Variants in CRMP1 observed in about 807,000 individuals in gnomAD.
CRMP1 encodes the protein dihydropyrimidinase-related protein 1.
A neutral mutation model predicts 68.3 loss-of-function variants in CRMP1; 19 were observed. The observed-to-expected ratio is 0.28, with a 90% CI of 0.19 to 0.41. CRMP1 has a LOEUF of 0.41. Ranked by LOEUF, CRMP1 falls within the 10% of genes least tolerant of loss-of-function variation. CRMP1 has a pLI of 1.00. For missense variants in CRMP1, 791 were observed against 967.4 expected (o/e 0.82, Z 2.42); for synonymous variants, 439 against 399.6 (o/e 1.10, Z -1.18).
At position 5,842,015 on chromosome 4, in the gene CRMP1, T is replaced by C. The variant is rs1404632548; in HGVS notation, c.1033-587A>G. Among the ~76,000 whole-genome samples, 1 of 152,200 alleles carries C rather than the reference T, an allele frequency of 6.6e-6. No homozygotes were observed. Among genetic ancestry groups the C allele is most frequent in the Non-Finnish European group, 1.5e-5 (1 of 68,036 alleles). Reference sequence around the variant, plus strand: ...GGCCACCATGGTGAAACCCAGTCTCTATTCACGAGGTCAGGAGATCGAGAC... The same window carrying C: ...GGCCACCATGGTGAAACCCAGTCTCCATTCACGAGGTCAGGAGATCGAGAC... On this transcript the variant is annotated intron_variant, in intron 7 of 13. Coordinates refer to ENST00000324989, the MANE Select transcript of CRMP1 (RefSeq NM_001014809.3). This position sits in a 1 kb window ranked among gnomAD's most constrained non-coding sequence, Gnocchi z 4.5.
At chr4:5,868,504 T>G (rs1714208097) in intron 1 of CRMP1, among the ~76,000 whole-genome samples, 1 of 151,868 alleles carries the variant, frequency 6.6e-6, no homozygotes, top group South Asian at 2.1e-4. Context: ...GGTTTCACCT[T>G]GTTAGCCAGG....
chr4:5,839,405 G>T, intron 9 of CRMP1, 117 bp downstream of exon 9: 1 of 1,295,086 alleles, frequency 7.7e-7, no homozygotes, highest in South Asian at 1.4e-5. Context: ...GCAGAGCACG[G>T]GGCAGAGCCT....
chr4:5,836,186 G>T (rs1333943501), intron 10 of CRMP1, 101 bp from the exon 11 acceptor site: 11 of 1,100,138 alleles, frequency 1.0e-5, no homozygotes, highest in Non-Finnish European at 1.1e-5. Flanking sequence ...GCCTTGCAAG[G>T]CTTGGAATTC....
chr4:5,889,443 G>A lies in CRMP1; in HGVS notation c.381+3146C>T, dbSNP rs905716862. Among the ~76,000 whole-genome samples, 15 of 152,096 alleles carry A rather than the reference G, an allele frequency of 9.9e-5. No homozygotes were observed. The highest frequency in any genetic ancestry group is 1.9e-4 in the African/African-American group (8 of 41,412). On this transcript the variant is annotated intron_variant, in intron 1 of 13. Transcript: ENST00000324989. The surrounding 1 kb of genome is among the most constrained non-coding windows in gnomAD (Gnocchi z 4.5). ...TCCCAGCACTGTGGACACCAGCCCC[G>A]GAGTCCATGATCCAGATGTTGCTCC...
In CRMP1 at chr4:5,858,951, G is replaced by A. The variant is rs145643880; in HGVS notation, c.655+2075C>T. On this transcript the variant is annotated intron_variant, in intron 3 of 13. Transcript: ENST00000324989. The surrounding 1 kb of genome is among the most constrained non-coding windows in gnomAD (Gnocchi z 5.5). Reference sequence around the variant, plus strand: ...CTGCTTTTCTCTGCCCTCTTCTCCCGGTTAATTCCAACTCATCCTTCAGAT... The same window carrying A: ...CTGCTTTTCTCTGCCCTCTTCTCCCAGTTAATTCCAACTCATCCTTCAGAT... Among the ~76,000 whole-genome samples, 9 of 152,220 alleles carry A rather than the reference G, an allele frequency of 5.9e-5. No homozygotes were observed. The highest frequency in any genetic ancestry group is 4.2e-4 in the South Asian group (2 of 4,812).
chr4:5,839,614 G>C lies in CRMP1; in HGVS notation c.1218C>G (p.Ser406Arg). 1 of 1,613,250 alleles carries C rather than the reference G, an allele frequency of 6.2e-7. No homozygotes were observed. Among genetic ancestry groups the C allele is most frequent in the Non-Finnish European group, 8.5e-7 (1 of 1,179,600 alleles). The change falls in exon 9 of 14, where the codon AGC (serine) becomes AGG (arginine). Residue 406 changes from serine (S) to arginine (R), a missense_variant. Transcript: ENST00000324989. ...SLGTDGTHYW[S>R]KNWAKAAAFV... Reference sequence around the variant, plus strand: ...ACGCCGCAGCCTTGGCCCAGTTCTTGCTCCAGTAATGGGTGCCATCGGTCC... The same window carrying C: ...ACGCCGCAGCCTTGGCCCAGTTCTTCCTCCAGTAATGGGTGCCATCGGTCC...
Position 5,862,368 on chromosome 4 carries a change from T to C in CRMP1, c.471-1158A>G, listed in dbSNP as rs530524564. Among the ~76,000 whole-genome samples, 3 of 152,236 alleles carry C rather than the reference T, an allele frequency of 2.0e-5. No homozygotes were observed. In the East Asian group the frequency reaches 5.8e-4, roughly 29 times the overall value. On this transcript the variant is annotated intron_variant, in intron 2 of 13. Coordinates refer to ENST00000324989, the MANE Select transcript of CRMP1 (RefSeq NM_001014809.3). ...TATAACCAATCCCTTACCCCCAGAA[T>C]GTCCACCACCACTACTAATAATAAC...
rs1715948781 is a variant in CRMP1, at chr4:5,891,503, C to T, written c.381+1086G>A. 6.6e-6 allele frequency among the ~76,000 whole-genome samples: 1 copy of T among 152,220 alleles called. No homozygotes were observed. Among genetic ancestry groups the T allele is most frequent in the Non-Finnish European group, 1.5e-5 (1 of 68,034 alleles). Reference sequence around the variant, plus strand: ...ACAAACATTTATTGAATGCTCACTACCGACCGGCATTAACTGATTTAATTC... The same window carrying T: ...ACAAACATTTATTGAATGCTCACTATCGACCGGCATTAACTGATTTAATTC... On this transcript the variant is annotated intron_variant, in intron 1 of 13. Coordinates refer to ENST00000324989, the MANE Select transcript of CRMP1 (RefSeq NM_001014809.3). The surrounding 1 kb of genome is among the most constrained non-coding windows in gnomAD (Gnocchi z 5.2).
At chr4:5,862,220 T>C (rs890310555) in intron 2 of CRMP1, among the ~76,000 whole-genome samples, 2 of 151,990 alleles carry the variant, frequency 1.3e-5, no homozygotes, top group Non-Finnish European at 2.9e-5. Context: ...TAATAACCAA[T>C]CCCTTATCCC....
chr4:5,825,634 C>T lies in CRMP1; in HGVS notation c.1829G>A (p.Arg610Lys), dbSNP rs1719433865. 1 of 1,611,198 alleles carries T rather than the reference C, an allele frequency of 6.2e-7. No homozygotes were observed. The highest frequency in any genetic ancestry group is 1.1e-5 in the South Asian group (1 of 90,504). Reference protein sequence around the residue: ...NKVFGLQGVSRGMYDGPVYEV... With the variant: ...NKVFGLQGVSKGMYDGPVYEV... The stretch of plus-strand genomic sequence containing the variant: ...GTACACAGGACCGTCATACATGCCC[C>T]TGGAAACCCCTTGCAATCCAAAAAC... Residue 610 changes from arginine (R) to lysine (K), a missense_variant, in exon 13 of 14, where the codon AGG becomes AAG. Coordinates refer to ENST00000324989, the MANE Select transcript of CRMP1 (RefSeq NM_001014809.3). This position sits in a 1 kb window ranked among gnomAD's most constrained non-coding sequence, Gnocchi z 4.4.
chr4:5,886,965 G>T (rs1046476530), intron 1 of CRMP1, among the ~76,000 whole-genome samples: 2 of 152,214 alleles, frequency 1.3e-5, no homozygotes, highest in African/African-American at 4.8e-5. Context: ...GACAAGAGCT[G>T]AGGCTGGGCC....
intron 6 of CRMP1, among the ~76,000 whole-genome samples, chr4:5,845,759 G>T (rs1413625608): frequency 2.6e-5 from 4 of 152,208 alleles, no homozygotes; most frequent in Non-Finnish European, 5.9e-5. Flanking sequence ...TAAATGTGTG[G>T]AAGAGGATCT....
At position 5,847,055 on chromosome 4, in the gene CRMP1, C is replaced by T. The variant is rs138207764; in HGVS notation, c.963+2337G>A. Among the ~76,000 whole-genome samples, 439 of 152,258 alleles carry T rather than the reference C, an allele frequency of 2.9e-3. 3 individuals carry two copies. The highest frequency in any genetic ancestry group is 9.7e-3 in the African/African-American group (403 of 41,548). ...AAGGTAGAGCCAAGAGCTATGGAGA[C>T]TTATTCTCAGGCTTTGAAACCCAGT... On this transcript the variant is annotated intron_variant, in intron 6 of 13. Transcript: ENST00000324989.
At chr4:5,827,987 C>T (rs1190243899) in intron 12 of CRMP1, 1 of 960,276 alleles carries the variant, frequency 1.0e-6, no homozygotes, top group East Asian at 1.2e-4. Context: ...AACGACAGGG[C>T]AGAAACGTCA....
chr4:5,833,995 G>A (rs1419724316), intron 11 of CRMP1, among the ~76,000 whole-genome samples: 4 of 152,268 alleles, frequency 2.6e-5, no homozygotes, highest in East Asian at 3.9e-4. Flanking sequence ...GCAGTGAGCC[G>A]AGATTGCGCC....
Position 5,856,316 on chromosome 4 carries a change from G to C in CRMP1, c.656-9C>G, listed in dbSNP as rs779866598. The C allele has an allele frequency of 9.9e-6, 16 of 1,612,726 alleles. No individual in the cohort carries two copies. Among genetic ancestry groups the C allele is most frequent in the Non-Finnish European group, 1.4e-5 (16 of 1,179,412 alleles). ...AGGAACAACATGGTCAACTGGGACA[G>C]AGAAATATGCATCATGATGCTTCAG... is the stretch of plus-strand genomic sequence containing the variant. On this transcript the variant is annotated splice_polypyrimidine_tract_variant and intron_variant, in intron 3 of 13. Coordinates refer to ENST00000324989, the MANE Select transcript of CRMP1 (RefSeq NM_001014809.3).
At chr4:5,822,061 C>T (rs770026365) in intron 13 of CRMP1, among the ~76,000 whole-genome samples, 3 of 151,818 alleles carry the variant, frequency 2.0e-5, no homozygotes, top group Non-Finnish European at 4.4e-5. Flanking sequence ...CCCCCACCTT[C>T]AGCCCTGACC....
At chr4:5,885,074 T>A (rs1715484826) in intron 1 of CRMP1, among the ~76,000 whole-genome samples, 1 of 152,040 alleles carries the variant, frequency 6.6e-6, no homozygotes, top group Non-Finnish European at 1.5e-5. Context: ...TCTGCTTTTT[T>A]GCTCTTCCGT....
intron 6 of CRMP1, among the ~76,000 whole-genome samples, chr4:5,847,417 G>C (rs1712305014): frequency 6.6e-6 from 1 of 152,192 alleles, no homozygotes; most frequent in South Asian, 2.1e-4. Flanking sequence ...CCAGAAGACA[G>C]ATTGGGAGGA....
Sources: gnomAD v4.1 joint callset for allele counts (sites outside exome capture counted in the v4.1 genomes callset) on GRCh38, gnomAD v4.1.1 for gene constraint, Gnocchi (gnomAD v3.1) non-coding constraint, MANE v1.5 for transcripts, NCBI Gene and HGNC (gene_info 2026-07-23, HGNC 2026-07-21) for gene names.